The following ZNF462 variants were observed in gnomAD, a reference collection of about 807,000 sequenced individuals.
ZNF462 encodes zinc finger protein 462.
Under a neutral mutation model 201.9 loss-of-function variants are expected in ZNF462, and 10 were observed. That is an observed-to-expected ratio of 0.05 (90% CI 0.03 to 0.08). ZNF462 has a LOEUF of 0.08. Ranked by LOEUF, ZNF462 falls within the 10% of genes least tolerant of loss-of-function variation. The pLI is 1.00. For missense variants in ZNF462, 2,523 were observed against 3,168.3 expected, an observed-to-expected ratio of 0.80 and a Z score of 4.89; for synonymous variants, 1,227 against 1,193.3, an observed-to-expected ratio of 1.03 and a Z score of -0.58.
chr9:106,973,046 A>G lies in ZNF462; in HGVS notation c.6695+774A>G, dbSNP rs531914286. 7.2e-5 allele frequency among the ~76,000 whole-genome samples: 11 copies of G among 152,340 alleles called. No homozygotes were observed. In the South Asian group the frequency reaches 2.3e-3, roughly 32 times the overall value. On this transcript the variant is annotated intron_variant, in intron 8 of 12. Coordinates refer to ENST00000277225, the MANE Select transcript of ZNF462 (RefSeq NM_021224.6). ...TGTTAACCTATAAAATAAAGATAATAATAGTACCTACATCATAGGGCTCTT... is the reference window on the plus strand; with the variant it reads ...TGTTAACCTATAAAATAAAGATAATGATAGTACCTACATCATAGGGCTCTT...
rs1829813874 is a variant in ZNF462, at chr9:107,009,748, C to G, written c.7313+80C>G. 1.3e-6 allele frequency: 2 copies of G among 1,584,602 alleles called. No individual in the cohort carries two copies. The highest frequency in any genetic ancestry group is 1.7e-6 in the Non-Finnish European group (2 of 1,165,550). Reference sequence around the variant, plus strand: ...GGGAGGGGCTCTTGTTTTGGTTCCCCTGACAGTATGTACACCCCTCTGTGT... The same window carrying G: ...GGGAGGGGCTCTTGTTTTGGTTCCCGTGACAGTATGTACACCCCTCTGTGT... On this transcript the variant is annotated intron_variant, in intron 12 of 12. Coordinates refer to ENST00000277225, the MANE Select transcript of ZNF462 (RefSeq NM_021224.6). This position sits in a 1 kb window ranked among gnomAD's most constrained non-coding sequence, Gnocchi z 6.1.
In ZNF462 at chr9:106,995,951, G is replaced by T. The variant is rs180726288; in HGVS notation, c.7057-7343G>T. Among the ~76,000 whole-genome samples the T allele has an allele frequency of 3.0e-4, 46 of 152,244 alleles. No homozygotes were observed. The Middle Eastern group carries it at 0.01, about 34-fold the overall frequency. On this transcript the variant is annotated intron_variant, in intron 10 of 12. Transcript: ENST00000277225. ...ATTTACATTAGGTATATCTCCTAAT[G>T]CTATCCCTTCCCTCTACCCCCACCC...
At chr9:106,969,519 G>GTT (rs1486645160) in intron 7 of ZNF462, among the ~76,000 whole-genome samples, 3 of 152,160 alleles carry the variant, frequency 2.0e-5, no homozygotes, top group African/African-American at 7.2e-5. Flanking sequence ...CATGTGTTGA[G>GTT]TTGGGGGTGG....
chr9:106,985,382 TAAA>T (rs1827760978), intron 10 of ZNF462, among the ~76,000 whole-genome samples: 1 of 152,128 alleles, frequency 6.6e-6, no homozygotes, highest in African/African-American at 2.4e-5. Flanking sequence ...GTACAGGACA[TAAA>T]ATAGAGGATT....
At chr9:106,983,208 T>C (rs1827577254) in intron 9 of ZNF462, among the ~76,000 whole-genome samples, 2 of 152,066 alleles carry the variant, frequency 1.3e-5, no homozygotes, top group Admixed American at 1.3e-4. Context: ...GGTGAGAGAG[T>C]GCAAAATAAA....
intron 7 of ZNF462, among the ~76,000 whole-genome samples, chr9:106,961,298 GC>G (rs979419376): frequency 1.3e-5 from 2 of 152,068 alleles, no homozygotes; most frequent in Admixed American, 1.3e-4. Context: ...AGAAATTAAT[GC>G]CTTTGGTTTC....
At chr9:106,887,879 C>T (rs1419821170) in intron 1 of ZNF462, among the ~76,000 whole-genome samples, 4 of 152,092 alleles carry the variant, frequency 2.6e-5, no homozygotes, top group Admixed American at 6.6e-5. Flanking sequence ...TCTCGTAACA[C>T]GACCCTCACA....
rs117142210 is a variant in ZNF462 at position 106,909,990 on chromosome 9, C to T, written c.-30-13364C>T. The stretch of plus-strand genomic sequence containing the variant: ...CTGTATGTTCGATCTGTTTTCAAAC[C>T]TTCTTATCTGTCATCTTCTCCACTT... On this transcript the variant is annotated intron_variant, in intron 1 of 12. Coordinates refer to ENST00000277225, the MANE Select transcript of ZNF462 (RefSeq NM_021224.6). Among the ~76,000 whole-genome samples the T allele has an allele frequency of 1.3e-4, 20 of 152,148 alleles. No individual in the cohort carries two copies. The East Asian group carries it at 3.9e-3, about 29-fold the overall frequency.
In ZNF462 at chr9:106,895,868, T is replaced by C. The variant is rs1828788814; in HGVS notation, c.-30-27486T>C. 6.6e-6 allele frequency among the ~76,000 whole-genome samples: 1 copy of C among 152,204 alleles called. No individual in the cohort carries two copies. Among genetic ancestry groups the C allele is most frequent in the African/African-American group, 2.4e-5 (1 of 41,444 alleles). ...TTACATATGTTCATGGAATTATTCA[T>C]AGACAAACCATTCAGTCTGGTTATG... On this transcript the variant is annotated intron_variant, in intron 1 of 12. Coordinates refer to ENST00000277225, the MANE Select transcript of ZNF462 (RefSeq NM_021224.6). The surrounding 1 kb of genome is among the most constrained non-coding windows in gnomAD (Gnocchi z 4.4).
intron 10 of ZNF462, among the ~76,000 whole-genome samples, chr9:106,992,126 A>T (rs1354022934): frequency 6.6e-6 from 1 of 152,092 alleles, no homozygotes; most frequent in Non-Finnish European, 1.5e-5. Flanking sequence ...TATTTAAAGA[A>T]ATCTTACAAC....
chr9:106,946,588 A>G, intron 7 of ZNF462, among the ~76,000 whole-genome samples: 1 of 152,162 alleles, frequency 6.6e-6, no homozygotes, highest in Non-Finnish European at 1.5e-5. Context: ...GTGAGCCATG[A>G]TTTAGAGGTA....
chr9:106,991,314 A>C (rs914038940), intron 10 of ZNF462, among the ~76,000 whole-genome samples: 17 of 152,040 alleles, frequency 1.1e-4, no homozygotes, highest in Admixed American at 1.1e-3. Context: ...ATGTACAATA[A>C]CATCAAAAAG....
chr9:106,971,632 CA>C, intron 7 of ZNF462, among the ~76,000 whole-genome samples: 1 of 147,360 alleles, frequency 6.8e-6, no homozygotes, highest in Middle Eastern at 3.6e-3. Flanking sequence ...AAGATGCAAA[CA>C]TTCCGTTATA....
Position 106,923,280 on chromosome 9 carries a change from A to G in ZNF462, c.-30-74A>G. 1.8e-6 allele frequency: 2 copies of G among 1,127,690 alleles called. No individual in the cohort carries two copies. Among genetic ancestry groups the G allele is most frequent in the African/African-American group, 1.5e-5 (1 of 65,330 alleles). 69.9% of individuals were successfully genotyped at this position (1,127,690 alleles called of 1,614,324 possible). A position where few individuals can be genotyped will look rare whatever the true frequency, so the allele number is the denominator to read the frequency against. On this transcript the variant is annotated intron_variant, in intron 1 of 12. Transcript: ENST00000277225. The surrounding 1 kb of genome is among the most constrained non-coding windows in gnomAD (Gnocchi z 5.6). ...TACTGGAATTTTTTCCCATTAATGG[A>G]TATATAGCCCCATCAGCTCGAGGTA... is the stretch of plus-strand genomic sequence containing the variant.
At chr9:106,931,306 C>T (rs998677028) in intron 4 of ZNF462, among the ~76,000 whole-genome samples, 4 of 152,194 alleles carry the variant, frequency 2.6e-5, no homozygotes, top group African/African-American at 9.7e-5. Context: ...CTGTTTTGAA[C>T]ATCATAATCC....
In ZNF462 at chr9:106,929,901, T is replaced by G; in HGVS notation, c.5847+142T>G. On this transcript the variant is annotated intron_variant, in intron 3 of 12. Coordinates refer to ENST00000277225, the MANE Select transcript of ZNF462 (RefSeq NM_021224.6). This position sits in a 1 kb window ranked among gnomAD's most constrained non-coding sequence, Gnocchi z 8.7. ...AGAGCTCAATAAGTCAATTAAACAT[T>G]TCGAGCTTGATTATCTCCCATTCTG... 4 of 740,440 alleles carry G rather than the reference T, an allele frequency of 5.4e-6. No individual in the cohort carries two copies. The highest frequency in any genetic ancestry group is 6.5e-6 in the Non-Finnish European group (3 of 459,480). 45.9% of individuals were successfully genotyped at this position (740,440 alleles called of 1,614,324 possible).
rs537745847 is a variant in ZNF462 at position 106,910,948 on chromosome 9, T to G, written c.-30-12406T>G. Among the ~76,000 whole-genome samples, 212 of 152,330 alleles carry G rather than the reference T, an allele frequency of 1.4e-3. 1 individual carries two copies. Among genetic ancestry groups the G allele is most frequent in the South Asian group, 0.011 (53 of 4,828 alleles). ...AGGTATTTTCTAATAAGATTTTATT[T>G]ATCACGAAAGCGTCATGTCATGGAA... On this transcript the variant is annotated intron_variant, in intron 1 of 12. Transcript: ENST00000277225.
In ZNF462 at chr9:106,923,935, CATCTTT is replaced by C. The variant is rs1284562835; in HGVS notation, c.221-194_221-189del. 6.6e-6 allele frequency among the ~76,000 whole-genome samples: 1 copy of C among 152,196 alleles called. No individual in the cohort carries two copies. Among genetic ancestry groups the C allele is most frequent in the Admixed American group, 6.5e-5 (1 of 15,282 alleles). On this transcript the variant is annotated intron_variant, in intron 2 of 12. Coordinates refer to ENST00000277225, the MANE Select transcript of ZNF462 (RefSeq NM_021224.6). This position sits in a 1 kb window ranked among gnomAD's most constrained non-coding sequence, Gnocchi z 5.6. ...GGAGAATACCTAAAGCTATACACTG[CATCTTT>C]ATCCATGAGAAGGTGCAGTACGTAT...
At position 106,963,711 on chromosome 9, in the gene ZNF462, T is replaced by C. The variant is rs902839122; in HGVS notation, c.6428-8294T>C. ...GTAAAAACCATATAACATGGGAATT[T>C]ACCCTCTTAACAAATTTCTAAGTAT... On this transcript the variant is annotated intron_variant, in intron 7 of 12. Coordinates refer to ENST00000277225, the MANE Select transcript of ZNF462 (RefSeq NM_021224.6). The surrounding 1 kb of genome is among the most constrained non-coding windows in gnomAD (Gnocchi z 4.7). Among the ~76,000 whole-genome samples the C allele has an allele frequency of 6.6e-6, 1 of 152,104 alleles. No homozygotes were observed. The highest frequency in any genetic ancestry group is 2.4e-5 in the African/African-American group (1 of 41,428).
Sources: gnomAD v4.1 joint callset for allele counts (sites outside exome capture counted in the v4.1 genomes callset) on GRCh38, gnomAD v4.1.1 for gene constraint, Gnocchi (gnomAD v3.1) non-coding constraint, MANE v1.5 for transcripts, NCBI Gene and HGNC (gene_info 2026-07-23, HGNC 2026-07-21) for gene names.